The following VIT variants were observed in gnomAD, a reference collection of about 807,000 sequenced individuals.
VIT encodes vitrin.
Under a neutral mutation model 78.0 loss-of-function variants are expected in VIT, and 99 were observed. The observed-to-expected ratio is 1.27, with a 90% CI of 1.08 to 1.50. The LOEUF is 1.50. Ranked by LOEUF, VIT falls within the 40% of genes most tolerant of loss-of-function variation. The pLI is 0.00. For missense variants in VIT, 1,126 were observed against 875.3 expected (o/e 1.29, Z -3.61); for synonymous variants, 374 against 334.3 (o/e 1.12, Z -1.29).
At chr2:36,798,618 G>C (rs1406888231) in intron 12 of VIT, among the ~76,000 whole-genome samples, 1 of 152,080 alleles carries the variant, frequency 6.6e-6, no homozygotes, top group Non-Finnish European at 1.5e-5. Context: ...AATAAGCCAG[G>C]CATGGTGAAA....
At chr2:36,704,213 A>G (rs564501685) in intron 1 of VIT, among the ~76,000 whole-genome samples, 1 of 152,018 alleles carries the variant, frequency 6.6e-6, no homozygotes, top group African/African-American at 2.4e-5. Context: ...GGCATGAGCC[A>G]CCACTCCTGG....
At position 36,754,938 on chromosome 2, in the gene VIT, C is replaced by G. The variant is rs370559744; in HGVS notation, c.293C>G (p.Ser98Ter). ...CTTCATAGTGGTGTGCTTGATAATT[C>G]AGGAGGGAAAATACTTGTTCGGAAG... ...AAVHSGVLDN[S>*]GGKILVRKVA... Residue 98 changes from serine to a stop codon, truncating the protein, a stop_gained, in exon 5 of 16, where the codon TCA becomes TGA. Transcript: ENST00000379242. LOFTEE classifies it high-confidence loss of function. 2.9e-5 allele frequency: 46 copies of G among 1,613,690 alleles called. No individual in the cohort carries two copies. Among genetic ancestry groups the G allele is most frequent in the Non-Finnish European group, 3.8e-5 (45 of 1,179,940 alleles).
At position 36,784,930 on chromosome 2, in the gene VIT, C is replaced by T. The variant is rs146788414; in HGVS notation, c.910+1528C>T. Among the ~76,000 whole-genome samples, 3 of 152,350 alleles carry T rather than the reference C, an allele frequency of 2.0e-5. No homozygotes were observed. In the East Asian group the frequency reaches 5.8e-4, roughly 29 times the overall value. ...CAAAAGTAACCGTGGTATCAGCCAT[C>T]AGGCCAGTGAGTAAAGAGAATTAAG... On this transcript the variant is annotated intron_variant, in intron 11 of 15. Transcript: ENST00000379242.
intron 9 of VIT, among the ~76,000 whole-genome samples, chr2:36,780,165 C>G (rs969700739): frequency 1.3e-5 from 2 of 152,212 alleles, no homozygotes; most frequent in African/African-American, 4.8e-5. Context: ...TCAAACTTGT[C>G]CCAAACAAAC....
At chr2:36,765,870 T>G (rs75467441) in intron 6 of VIT, among the ~76,000 whole-genome samples, 5,792 of 152,354 alleles carry the variant, frequency 0.038, 161 homozygotes, top group Middle Eastern at 0.065. Context: ...ATTTCTGTCA[T>G]TTTAAGCCAC....
At chr2:36,723,788 T>C (rs1666657728) in intron 2 of VIT, among the ~76,000 whole-genome samples, 1 of 151,586 alleles carries the variant, frequency 6.6e-6, no homozygotes, top group Admixed American at 6.6e-5. Context: ...TCTGTCTCTA[T>C]AAAAAATAAA....
chr2:36,811,729 A>C (rs1466010249), intron 15 of VIT, among the ~76,000 whole-genome samples: 1 of 149,874 alleles, frequency 6.7e-6, no homozygotes, highest in African/African-American at 2.5e-5. Flanking sequence ...CTGGAGTGCA[A>C]TGGCACAACC....
At chr2:36,752,499 G>A (rs568903073) in intron 4 of VIT, among the ~76,000 whole-genome samples, 4 of 152,338 alleles carry the variant, frequency 2.6e-5, no homozygotes, top group African/African-American at 9.6e-5. Context: ...AGGAATGCAA[G>A]GAAGTGGAAC....
intron 3 of VIT, among the ~76,000 whole-genome samples, chr2:36,730,157 G>A (rs561362617): frequency 4.1e-4 from 62 of 151,930 alleles, no homozygotes; most frequent in Admixed American, 2.3e-3. Context: ...GCCTGATGGC[G>A]CATGCCTGTA....
intron 9 of VIT, among the ~76,000 whole-genome samples, chr2:36,775,294 G>A (rs556902027): frequency 3.3e-5 from 5 of 152,184 alleles, no homozygotes; most frequent in South Asian, 2.1e-4. Context: ...GACATCCAAG[G>A]GCTGTCATTA....
chr2:36,805,963 C>G (rs1666693579), intron 14 of VIT, among the ~76,000 whole-genome samples: 1 of 152,158 alleles, frequency 6.6e-6, no homozygotes, highest in South Asian at 2.1e-4. Context: ...AGCCTTTACA[C>G]ATGCATGCAA....
At chr2:36,763,212 G>A (rs1259015614) in intron 6 of VIT, among the ~76,000 whole-genome samples, 1 of 152,108 alleles carries the variant, frequency 6.6e-6, no homozygotes, top group Non-Finnish European at 1.5e-5. Flanking sequence ...CCACGACCAG[G>A]GCCCTGGAAC....
chr2:36,702,494 T>C (rs887658263), intron 1 of VIT, among the ~76,000 whole-genome samples: 2 of 152,164 alleles, frequency 1.3e-5, no homozygotes, highest in Non-Finnish European at 2.9e-5. Flanking sequence ...TACGTGATCC[T>C]TAAAAACGTA....
chr2:36,806,028 G>A (rs1385570821), intron 14 of VIT, among the ~76,000 whole-genome samples: 1 of 151,580 alleles, frequency 6.6e-6, no homozygotes, highest in Admixed American at 6.6e-5. Flanking sequence ...ACACACACAC[G>A]CTTTCTCCTG....
intron 3 of VIT, among the ~76,000 whole-genome samples, chr2:36,730,067 G>A (rs1051627839): frequency 2.5e-4 from 38 of 152,168 alleles, no homozygotes; most frequent in African/African-American, 6.5e-4. Context: ...AGGCTGAGGC[G>A]GGCGGATCAC....
intron 3 of VIT, among the ~76,000 whole-genome samples, chr2:36,738,574 C>G (rs1391183525): frequency 6.6e-6 from 1 of 152,192 alleles, no homozygotes; most frequent in Non-Finnish European, 1.5e-5. Context: ...CAGACATTCT[C>G]TTGAACAGCA....
intron 12 of VIT, chr2:36,787,743 C>T (rs1173356410): frequency 4.7e-6 from 2 of 429,564 alleles, no homozygotes; most frequent in Admixed American, 5.5e-5. Flanking sequence ...GCCTAGAGAA[C>T]ATGGTGCTTT....
intron 2 of VIT, among the ~76,000 whole-genome samples, chr2:36,724,719 T>C (rs1053707751): frequency 2.2e-4 from 33 of 152,184 alleles, no homozygotes; most frequent in Admixed American, 2.0e-4. Context: ...GCTATGCATG[T>C]TTTCAGCCTA....
rs1434358611 is a variant in VIT at position 36,814,470 on chromosome 2, G to A, written c.*109G>A. The stretch of plus-strand genomic sequence containing the variant: ...GTGCATCAAGTCTTGGGCAGGGCAT[G>A]GAGAAACAAATGTCTTGTTATTATT... On this transcript the variant is annotated 3_prime_UTR_variant, in exon 16 of 16. Coordinates refer to ENST00000379242, the MANE Select transcript of VIT (RefSeq NM_053276.4). 3.1e-6 allele frequency: 4 copies of A among 1,306,592 alleles called. No individual in the cohort carries two copies. The highest frequency in any genetic ancestry group is 4.1e-6 in the Non-Finnish European group (4 of 965,326). The allele number at this position is 1,306,592 out of a possible 1,614,324, so 80.9% of individuals were successfully genotyped here.
Sources: gnomAD v4.1 joint callset for allele counts (sites outside exome capture counted in the v4.1 genomes callset) on GRCh38, gnomAD v4.1.1 for gene constraint, MANE v1.5 for transcripts, NCBI Gene and HGNC (gene_info 2026-07-23, HGNC 2026-07-21) for gene names.